The following MEI4 variants were observed in gnomAD, a reference collection of about 807,000 sequenced individuals.
MEI4 encodes the protein meiotic double-stranded break formation protein 4.
MEI4 carries 27 observed loss-of-function variants against 31.4 expected under a neutral mutation model. That is an observed-to-expected ratio of 0.86 (90% CI 0.63 to 1.19). The LOEUF is 1.19. Among genes scored for constraint, MEI4 ranks in the 50% most tolerant of loss-of-function variants. The pLI is 0.00. For synonymous variants in MEI4, 122 were observed against 145.4 expected (o/e 0.84, Z 1.16); for missense variants, 329 against 398.9 (o/e 0.82, Z 1.49).
chr6:77,902,619 G>A (rs931652086), intron 4 of MEI4, among the ~76,000 whole-genome samples: 37 of 152,172 alleles, frequency 2.4e-4, no homozygotes, highest in Non-Finnish European at 2.9e-4. Context: ...GAAAATTCAG[G>A]CTGGGAAGTG....
intron 4 of MEI4, among the ~76,000 whole-genome samples, chr6:77,912,136 G>A (rs781008191): frequency 3.3e-5 from 5 of 151,998 alleles, no homozygotes; most frequent in Non-Finnish European, 5.9e-5. Flanking sequence ...TCACTTGGCT[G>A]TGAATATATG....
chr6:77,755,437 AAGAC>A (rs1767890144), intron 2 of MEI4, among the ~76,000 whole-genome samples: 3 of 151,156 alleles, frequency 2.0e-5, no homozygotes, highest in Admixed American at 6.6e-5. Context: ...TTTTTTTTCT[AAGAC>A]AGAGTCTCAC....
At chr6:77,874,484 G>A (rs531638970) in intron 4 of MEI4, among the ~76,000 whole-genome samples, 11 of 152,254 alleles carry the variant, frequency 7.2e-5, no homozygotes, top group East Asian at 5.8e-4. Context: ...GAAGTTGCTT[G>A]TCAGCTTAAG....
chr6:77,731,028 T>C (rs1766973004), intron 2 of MEI4, among the ~76,000 whole-genome samples: 1 of 151,916 alleles, frequency 6.6e-6, no homozygotes, highest in African/African-American at 2.4e-5. Flanking sequence ...AGTCTATTGT[T>C]GTTGGACATT....
intron 1 of MEI4, among the ~76,000 whole-genome samples, chr6:77,684,443 TTCTG>T (rs939606918): frequency 6.8e-6 from 1 of 148,116 alleles, no homozygotes; most frequent in African/African-American, 2.4e-5. Context: ...GTCTTATTCA[TTCTG>T]TCTACTTTTT....
intron 2 of MEI4, among the ~76,000 whole-genome samples, chr6:77,711,119 CAA>C (rs36013608): frequency 0.37 from 56,739 of 151,618 alleles, 11,858 homozygotes; most frequent in East Asian, 0.5. Context: ...AGATGTTGTT[CAA>C]AGAGTCAAAG....
chr6:77,838,676 T>C (rs542234763), intron 4 of MEI4, among the ~76,000 whole-genome samples: 16 of 151,510 alleles, frequency 1.1e-4, no homozygotes, highest in Non-Finnish European at 1.9e-4. Context: ...GCGAGGCGAG[T>C]GGATCACCTG....
chr6:77,697,117 C>T (rs1239528820), intron 2 of MEI4, among the ~76,000 whole-genome samples: 4 of 152,214 alleles, frequency 2.6e-5, no homozygotes, highest in East Asian at 3.9e-4. Context: ...GTGTTATTCC[C>T]GTTATCATTT....
intron 2 of MEI4, among the ~76,000 whole-genome samples, chr6:77,755,857 T>TGTGTGTGTGTGTGTGTGTGTGTG (rs1767904743): frequency 6.6e-6 from 1 of 151,444 alleles, no homozygotes; most frequent in African/African-American, 2.4e-5. Flanking sequence ...TGTGTGTGTA[T>TGTGTGTGTGTGTGTGTGTGTGTG]TTTACCTCTA....
intron 4 of MEI4, among the ~76,000 whole-genome samples, chr6:77,877,631 A>G (rs1239613407): frequency 3.3e-5 from 5 of 151,818 alleles, no homozygotes; most frequent in African/African-American, 1.2e-4. Flanking sequence ...TTACAAAATG[A>G]ATACTTTGAA....
chr6:77,781,325 T>C (rs1768591678), intron 3 of MEI4, among the ~76,000 whole-genome samples: 1 of 152,186 alleles, frequency 6.6e-6, no homozygotes, highest in South Asian at 2.1e-4. Flanking sequence ...CTTTTATTTT[T>C]CTAATGCTTA....
At chr6:77,881,976 C>T (rs564703692) in intron 4 of MEI4, among the ~76,000 whole-genome samples, 5 of 152,296 alleles carry the variant, frequency 3.3e-5, no homozygotes, top group Non-Finnish European at 5.9e-5. Context: ...AGATTACAGG[C>T]GCAGTTACTG....
At chr6:77,665,082 A>G (rs1193201463) in intron 1 of MEI4, among the ~76,000 whole-genome samples, 1 of 151,638 alleles carries the variant, frequency 6.6e-6, no homozygotes, top group African/African-American at 2.4e-5. Context: ...GGGGGTTCTT[A>G]CCTGCCAGAA....
At chr6:77,789,848 G>T (rs896438477) in intron 3 of MEI4, among the ~76,000 whole-genome samples, 1 of 152,094 alleles carries the variant, frequency 6.6e-6, no homozygotes, top group Non-Finnish European at 1.5e-5. Context: ...TCAGTGTGGC[G>T]ATTCCTCAGG....
intron 2 of MEI4, among the ~76,000 whole-genome samples, chr6:77,741,818 G>C (rs1441994748): frequency 1.6e-5 from 2 of 128,894 alleles, no homozygotes; most frequent in Non-Finnish European, 3.1e-5. Context: ...CCCTTCCTGT[G>C]TCCATGTGTT....
chr6:77,665,450 G>A (rs1049708839), intron 1 of MEI4, among the ~76,000 whole-genome samples: 2 of 152,028 alleles, frequency 1.3e-5, no homozygotes, highest in Non-Finnish European at 2.9e-5. Flanking sequence ...AAGGGTGAAG[G>A]AGAAGGGGTT....
At chr6:77,816,373 T>C (rs1769690284) in intron 3 of MEI4, among the ~76,000 whole-genome samples, 2 of 152,184 alleles carry the variant, frequency 1.3e-5, no homozygotes, top group Non-Finnish European at 2.9e-5. Flanking sequence ...ACGGGCATAG[T>C]TCTTTTTAAA....
intron 4 of MEI4, among the ~76,000 whole-genome samples, chr6:77,848,659 T>G: frequency 6.6e-6 from 1 of 152,124 alleles, no homozygotes; most frequent in Admixed American, 6.6e-5. Flanking sequence ...CCAGCTAGAT[T>G]GCCAACCTCT....
chr6:77,800,465 T>C (rs543784383), intron 3 of MEI4, among the ~76,000 whole-genome samples: 1 of 152,364 alleles, frequency 6.6e-6, no homozygotes, highest in South Asian at 2.1e-4. Context: ...ACTTCCTCTT[T>C]TCCTAATTGA....
Sources: allele counts gnomAD v4.1 joint callset (sites outside exome capture counted in the v4.1 genomes callset), GRCh38; gene constraint gnomAD v4.1.1; transcripts MANE v1.5; gene names NCBI Gene and HGNC (gene_info 2026-07-23, HGNC 2026-07-21).